The following SNTG2 variants were observed in gnomAD, a reference collection of about 807,000 sequenced individuals.
The protein encoded by SNTG2 is syntrophin gamma 2, also known as gamma-2-syntrophin.
A neutral mutation model predicts 70.9 loss-of-function variants in SNTG2; 74 were observed. The observed-to-expected ratio is 1.04, with a 90% CI of 0.86 to 1.27. SNTG2 has a LOEUF of 1.27. Among genes scored for constraint, SNTG2 ranks in the 50% most tolerant of loss-of-function variants. SNTG2 has a pLI of 0.00. For synonymous variants in SNTG2, 278 were observed against 273.8 expected, an observed-to-expected ratio of 1.02 and a Z score of -0.15; for missense variants, 717 against 690.7, an observed-to-expected ratio of 1.04 and a Z score of -0.43.
chr2:956,949 G>A (rs117891227), intron 1 of SNTG2, among the ~76,000 whole-genome samples: 1 of 152,226 alleles, frequency 6.6e-6, no homozygotes, highest in East Asian at 1.9e-4. Flanking sequence ...AAGTTTAATG[G>A]TAAATATAAT....
intron 1 of SNTG2, among the ~76,000 whole-genome samples, chr2:1,027,059 C>T (rs775425244): frequency 1.3e-5 from 2 of 152,226 alleles, no homozygotes; most frequent in Non-Finnish European, 2.9e-5. Context: ...GCCACTCTTG[C>T]TGCTGCAGTT....
At chr2:1,062,008 A>T (rs372598553) in intron 1 of SNTG2, among the ~76,000 whole-genome samples, 2 of 152,356 alleles carry the variant, frequency 1.3e-5, no homozygotes, top group East Asian at 3.9e-4. Flanking sequence ...AGAAAAATGG[A>T]ATTAGACATA....
intron 1 of SNTG2, among the ~76,000 whole-genome samples, chr2:974,010 C>T (rs1241925262): frequency 2.0e-5 from 3 of 152,136 alleles, no homozygotes; most frequent in East Asian, 1.9e-4. Context: ...CCAGTGTTAT[C>T]CCTGGGCCTG....
intron 16 of SNTG2, among the ~76,000 whole-genome samples, chr2:1,335,531 C>T (rs1178493079): frequency 6.6e-6 from 1 of 152,148 alleles, no homozygotes; most frequent in Non-Finnish European, 1.5e-5. Flanking sequence ...TAAGTAAAGC[C>T]AGTCTGGGCC....
chr2:985,286 A>G (rs1661267920), intron 1 of SNTG2, among the ~76,000 whole-genome samples: 1 of 152,044 alleles, frequency 6.6e-6, no homozygotes, highest in Non-Finnish European at 1.5e-5. Context: ...CAGAAAGACA[A>G]GTTGATTTTT....
At chr2:1,068,273 T>G (rs556748378) in intron 1 of SNTG2, 1 of 152,188 alleles carries the variant, frequency 6.6e-6, no homozygotes, top group South Asian at 2.1e-4. Flanking sequence ...TTTTAAAAAT[T>G]TTCTTGAAAG....
chr2:1,197,513 ATATGTGTG>A (rs1312374996), intron 8 of SNTG2, among the ~76,000 whole-genome samples: 3 of 85,284 alleles, frequency 3.5e-5, no homozygotes, highest in African/African-American at 1.0e-4. Flanking sequence ...GTATGTATAT[ATATGTGTG>A]TGTGTGTGTG....
intron 8 of SNTG2, among the ~76,000 whole-genome samples, chr2:1,195,069 A>T (rs1253841247): frequency 6.6e-6 from 1 of 152,088 alleles, no homozygotes; most frequent in Non-Finnish European, 1.5e-5. Context: ...ATCCTTTTTA[A>T]TGGCTGCATA....
chr2:1,261,698 G>A (rs1423789298), intron 13 of SNTG2, among the ~76,000 whole-genome samples: 1 of 152,118 alleles, frequency 6.6e-6, no homozygotes, highest in African/African-American at 2.4e-5. Flanking sequence ...CATATGTTTG[G>A]CAGAAGATCT....
intron 4 of SNTG2, among the ~76,000 whole-genome samples, chr2:1,123,318 A>G (rs7575784): frequency 0.48 from 72,433 of 152,096 alleles, 18,397 homozygotes; most frequent in East Asian, 0.66. Context: ...TTATATTACT[A>G]TAGTAATCAA....
chr2:1,049,184 C>T (rs919540499), intron 1 of SNTG2, among the ~76,000 whole-genome samples: 2 of 152,124 alleles, frequency 1.3e-5, no homozygotes, highest in African/African-American at 2.4e-5. Context: ...GTCTGGAGTT[C>T]AAACGAGGAT....
Position 1,188,186 on chromosome 2 carries a change from C to T in SNTG2, c.591+15003C>T, listed in dbSNP as rs868064399. Among the ~76,000 whole-genome samples the T allele has an allele frequency of 2.0e-5, 3 of 152,084 alleles. No individual in the cohort carries two copies. In the East Asian group the frequency reaches 5.8e-4, roughly 29 times the overall value. ...TGGATGTAAAGTACATTCTGAAGTG[C>T]TCATATTGTTAAGATACTTCACGAA... On this transcript the variant is annotated intron_variant, in intron 8 of 16. Coordinates refer to ENST00000308624, the MANE Select transcript of SNTG2 (RefSeq NM_018968.4).
chr2:1,109,348 A>C (rs1413106125), intron 4 of SNTG2, among the ~76,000 whole-genome samples: 1 of 152,164 alleles, frequency 6.6e-6, no homozygotes, highest in African/African-American at 2.4e-5. Context: ...GCCAGGCTCC[A>C]TATAACACAC....
At chr2:1,331,021 C>T (rs374822945) in intron 16 of SNTG2, among the ~76,000 whole-genome samples, 23 of 152,322 alleles carry the variant, frequency 1.5e-4, no homozygotes, top group African/African-American at 5.1e-4. Flanking sequence ...GTTTCAGAAG[C>T]TCCCATCACC....
intron 12 of SNTG2, among the ~76,000 whole-genome samples, chr2:1,255,852 A>G (rs1184253425): frequency 2.3e-5 from 1 of 43,940 alleles, no homozygotes; most frequent in Non-Finnish European, 4.1e-5. Context: ...AAATATATAT[A>G]AATATATATA....
chr2:1,276,162 C>T (rs1679256197), intron 14 of SNTG2, among the ~76,000 whole-genome samples: 1 of 152,212 alleles, frequency 6.6e-6, no homozygotes, highest in African/African-American at 2.4e-5. Context: ...CAAGAAGCTG[C>T]AGCAAGTTCT....
At chr2:957,160 C>T (rs1024922953) in intron 1 of SNTG2, among the ~76,000 whole-genome samples, 7 of 152,174 alleles carry the variant, frequency 4.6e-5, no homozygotes, top group African/African-American at 7.2e-5. Context: ...TTTTTAGAAA[C>T]GTGTGCCAAC....
chr2:1,058,003 G>T (rs1662574601), intron 1 of SNTG2, among the ~76,000 whole-genome samples: 1 of 151,868 alleles, frequency 6.6e-6, no homozygotes. Context: ...CTCCAGCTTG[G>T]GTGACAGAGG....
chr2:1,222,125 G>GTCTCTGTC (rs1675223990), intron 9 of SNTG2, among the ~76,000 whole-genome samples: 2 of 76,264 alleles, frequency 2.6e-5, no homozygotes, highest in Non-Finnish European at 4.8e-5. Flanking sequence ...GTCTCTCTCT[G>GTCTCTGTC]TCTCTCTCTG....
Sources: allele counts gnomAD v4.1 joint callset (sites outside exome capture counted in the v4.1 genomes callset), GRCh38; gene constraint gnomAD v4.1.1; transcripts MANE v1.5; gene names NCBI Gene and HGNC (gene_info 2026-07-23, HGNC 2026-07-21).